Variants in XKR6 observed in about 807,000 individuals in gnomAD.
XKR6 encodes XK related 6.
A neutral mutation model predicts 56.7 loss-of-function variants in XKR6; 22 were observed. That is an observed-to-expected ratio of 0.39 (90% CI 0.28 to 0.55). XKR6 has a LOEUF of 0.55. XKR6 is among the 20% of genes least tolerant of loss of function. The pLI is 0.66. For synonymous variants in XKR6, 524 were observed against 387.8 expected, an observed-to-expected ratio of 1.35 and a Z score of -4.13; for missense variants, 852 against 889.0, an observed-to-expected ratio of 0.96 and a Z score of 0.53.
At chr8:11,119,148 G>A (rs1021624797) in intron 1 of XKR6, among the ~76,000 whole-genome samples, 1 of 152,086 alleles carries the variant, frequency 6.6e-6, no homozygotes, top group Admixed American at 6.6e-5. Flanking sequence ...CTGAGTTCTA[G>A]TTTGTTTGCA....
chr8:11,045,334 C>A (rs1191464244), intron 1 of XKR6, among the ~76,000 whole-genome samples: 3 of 151,948 alleles, frequency 2.0e-5, no homozygotes, highest in Admixed American at 6.6e-5. Context: ...GTGATCTACC[C>A]ATCTTGGCCT....
At chr8:11,005,547 T>C (rs1030033630) in intron 1 of XKR6, among the ~76,000 whole-genome samples, 2 of 152,144 alleles carry the variant, frequency 1.3e-5, no homozygotes, top group African/African-American at 4.8e-5. Context: ...CACTTAAAAA[T>C]TGTTAAAATG....
In XKR6 at chr8:11,050,560, T is replaced by G. The variant is rs558034458; in HGVS notation, c.765-125730A>C. Among the ~76,000 whole-genome samples, 348 of 132,282 alleles carry G rather than the reference T, an allele frequency of 2.6e-3. 1 individual carries two copies. Among genetic ancestry groups the G allele is most frequent in the Admixed American group, 5.9e-3 (73 of 12,384 alleles). 86.8% of individuals were successfully genotyped at this position (132,282 alleles called of 152,430 possible). A position where few individuals can be genotyped will look rare whatever the true frequency, so the allele number is the denominator to read the frequency against. On this transcript the variant is annotated intron_variant, in intron 1 of 2. Transcript: ENST00000416569. ...AGGGAAACAGAAGAGAGAAAGAGCT[T>G]TCATTTTATTTAAAAAAAAAAAAAA... is the stretch of plus-strand genomic sequence containing the variant.
At chr8:11,015,943 G>C (rs1378411067) in intron 1 of XKR6, among the ~76,000 whole-genome samples, 1 of 152,158 alleles carries the variant, frequency 6.6e-6, no homozygotes, top group Non-Finnish European at 1.5e-5. Flanking sequence ...GACTCCTGCG[G>C]ACTCGGCTGC....
At chr8:11,140,917 C>A (rs56229563) in intron 1 of XKR6, among the ~76,000 whole-genome samples, 3,589 of 119,114 alleles carry the variant, frequency 0.03, 180 homozygotes, top group African/African-American at 0.12. Context: ...AAAAAAAAAA[C>A]CTTCCTGAGA....
rs1322309532 is a variant in XKR6, at chr8:10,924,788, C to T, written c.807G>A (p.Arg269=). Reference sequence around the variant, plus strand: ...AGTAGAAGCGTCGCTGGTGTTCCTTCCGCCGCTGGCTCTGAATCCCCAGGT... The same window carrying T: ...AGTAGAAGCGTCGCTGGTGTTCCTTTCGCCGCTGGCTCTGAATCCCCAGGT... ...TMYLGIQSQR[R]KEHQRRFYWA... The change falls in exon 2 of 3, where the codon CGG becomes CGA. Residue 269 remains arginine (R), a synonymous_variant. Coordinates refer to ENST00000416569, the MANE Select transcript of XKR6 (RefSeq NM_173683.4). 6 of 1,614,040 alleles carry T rather than the reference C, an allele frequency of 3.7e-6. No individual in the cohort carries two copies. Among genetic ancestry groups the T allele is most frequent in the Admixed American group, 3.3e-5 (2 of 60,026 alleles).
At chr8:11,159,428 G>C (rs1373653478) in intron 1 of XKR6, among the ~76,000 whole-genome samples, 2 of 152,228 alleles carry the variant, frequency 1.3e-5, no homozygotes, top group Admixed American at 6.5e-5. Context: ...GATCGCGAGA[G>C]AAAAGAACAG....
chr8:11,015,629 CG>C (rs1798601386), intron 1 of XKR6, among the ~76,000 whole-genome samples: 1 of 152,152 alleles, frequency 6.6e-6, no homozygotes, highest in Non-Finnish European at 1.5e-5. Flanking sequence ...AGGCAAGAAG[CG>C]GGGCTGGCTG....
chr8:10,990,262 G>A (rs1013116909), intron 1 of XKR6, among the ~76,000 whole-genome samples: 21 of 152,346 alleles, frequency 1.4e-4, no homozygotes, highest in Admixed American at 2.6e-4. Flanking sequence ...CTTAGAGAAG[G>A]AGGCTGCTGT....
At chr8:11,191,803 G>T (rs1015449092) in intron 1 of XKR6, among the ~76,000 whole-genome samples, 1 of 151,874 alleles carries the variant, frequency 6.6e-6, no homozygotes, top group Admixed American at 6.6e-5. Context: ...AAACCCACAA[G>T]CAAATTTGCT....
intron 1 of XKR6, among the ~76,000 whole-genome samples, chr8:11,185,631 A>T (rs1244791505): frequency 6.6e-6 from 1 of 152,218 alleles, no homozygotes; most frequent in Non-Finnish European, 1.5e-5. Flanking sequence ...GTCTCCAATG[A>T]TGGGACATGA....
chr8:11,124,062 C>G (rs760167075), intron 1 of XKR6: 12 of 454,480 alleles, frequency 2.6e-5, no homozygotes, highest in African/African-American at 1.6e-4. Context: ...TGCTTGAGCT[C>G]TCTCTCTCTA....
At chr8:11,152,115 A>G (rs1801298177) in intron 1 of XKR6, among the ~76,000 whole-genome samples, 1 of 152,244 alleles carries the variant, frequency 6.6e-6, no homozygotes, top group Non-Finnish European at 1.5e-5. Context: ...TATAGAATTC[A>G]AATAAGAATC....
chr8:11,077,977 G>A (rs73198910), intron 1 of XKR6, among the ~76,000 whole-genome samples: 1 of 152,142 alleles, frequency 6.6e-6, no homozygotes, highest in Non-Finnish European at 1.5e-5. Flanking sequence ...GGTTCTGGGT[G>A]GGCAGACCTG....
chr8:10,929,390 A>G (rs553023687), intron 1 of XKR6, among the ~76,000 whole-genome samples: 6 of 152,350 alleles, frequency 3.9e-5, no homozygotes, highest in African/African-American at 1.2e-4. Flanking sequence ...CTGAGGTTAA[A>G]ACATTCGCCT....
intron 1 of XKR6, chr8:11,137,429 C>T (rs7839837): frequency 0.11 from 39,693 of 364,802 alleles, 3,472 homozygotes; most frequent in African/African-American, 0.32. Flanking sequence ...AGAAATTCTC[C>T]CTCAAACGTG....
intron 2 of XKR6, among the ~76,000 whole-genome samples, chr8:10,904,350 C>G (rs1234316394): frequency 2.0e-5 from 3 of 152,182 alleles, no homozygotes; most frequent in Non-Finnish European, 4.4e-5. Flanking sequence ...GCTCTGATCA[C>G]CAGCCCTGGG....
At chr8:11,082,984 T>C (rs1420640401) in intron 1 of XKR6, among the ~76,000 whole-genome samples, 1 of 152,228 alleles carries the variant, frequency 6.6e-6, no homozygotes, top group Non-Finnish European at 1.5e-5. Flanking sequence ...CCTCCCTGCC[T>C]CACCTTCCCA....
intron 2 of XKR6, among the ~76,000 whole-genome samples, chr8:10,903,930 C>A (rs1446188826): frequency 6.6e-6 from 1 of 152,178 alleles, no homozygotes; most frequent in African/African-American, 2.4e-5. Context: ...TCTGCAGTGG[C>A]TCACTTGGAG....
Sources: gnomAD v4.1 joint callset for allele counts (sites outside exome capture counted in the v4.1 genomes callset) on GRCh38, gnomAD v4.1.1 for gene constraint, MANE v1.5 for transcripts, NCBI Gene and HGNC (gene_info 2026-07-23, HGNC 2026-07-21) for gene names.